The following PDE1A variants were observed in gnomAD, a reference collection of about 807,000 sequenced individuals.
PDE1A encodes dual specificity calcium/calmodulin-dependent 3',5'-cyclic nucleotide phosphodiesterase 1A.
Under a neutral mutation model 61.7 loss-of-function variants are expected in PDE1A, and 35 were observed. That is an observed-to-expected ratio of 0.57 (90% confidence interval 0.43 to 0.75). PDE1A has a LOEUF of 0.75. PDE1A is among the 30% of genes least tolerant of loss of function. PDE1A has a pLI of 0.00. For synonymous variants in PDE1A, 232 were observed against 213.2 expected (o/e 1.09, Z -0.77); for missense variants, 597 against 630.6 (o/e 0.95, Z 0.57).
At chr2:182,498,400 G>A (rs1218830663) in intron 2 of PDE1A, among the ~76,000 whole-genome samples, 1 of 151,936 alleles carries the variant, frequency 6.6e-6, no homozygotes, top group Non-Finnish European at 1.5e-5. Flanking sequence ...GTATTAGAAA[G>A]GCTGAGAGAT....
At chr2:182,442,143 A>T (rs1684836944) in intron 2 of PDE1A, among the ~76,000 whole-genome samples, 1 of 152,120 alleles carries the variant, frequency 6.6e-6, no homozygotes, top group African/African-American at 2.4e-5. Flanking sequence ...CACTATTAGG[A>T]CAAACTAGGA....
At chr2:182,436,946 T>C (rs929095094) in intron 2 of PDE1A, among the ~76,000 whole-genome samples, 4 of 151,924 alleles carry the variant, frequency 2.6e-5, no homozygotes, top group Admixed American at 1.3e-4. Context: ...TGGCCAACCA[T>C]ATTTTTAAAA....
At chr2:182,533,777 A>G in the PDE1A span, among the ~76,000 whole-genome samples, 7 of 152,236 alleles carry the variant, frequency 4.6e-5, no homozygotes, top group African/African-American at 1.4e-4. Context: ...TATAAAGTTT[A>G]ATGTTGATAG....
At chr2:182,556,343 C>A in the PDE1A span, among the ~76,000 whole-genome samples, 4 of 152,100 alleles carry the variant, frequency 2.6e-5, no homozygotes, top group Admixed American at 1.3e-4. Flanking sequence ...GAAGAGAGAG[C>A]CACAGGCAGC....
At chr2:182,421,974 A>G (rs1214837413) in intron 1 of PDE1A, among the ~76,000 whole-genome samples, 1 of 152,118 alleles carries the variant, frequency 6.6e-6, no homozygotes, top group Non-Finnish European at 1.5e-5. Context: ...CCAAATACAC[A>G]CTCAGAACTC....
chr2:182,538,547 C>T, the PDE1A span, among the ~76,000 whole-genome samples: 7 of 151,916 alleles, frequency 4.6e-5, no homozygotes, highest in Middle Eastern at 6.8e-3. Flanking sequence ...TCTTATTAGC[C>T]TCATGCCATA....
chr2:182,201,324 G>T, intron 10 of PDE1A, 115 bp downstream of exon 10: 1 of 1,284,488 alleles, frequency 7.8e-7, no homozygotes. Context: ...AGAATGTGTA[G>T]GTGGCCAGTT....
intron 2 of PDE1A, among the ~76,000 whole-genome samples, chr2:182,471,948 A>C (rs746759667): frequency 1.3e-5 from 2 of 151,928 alleles, no homozygotes; most frequent in Admixed American, 6.6e-5. Context: ...TCCAACAAGC[A>C]TATGAAAAAA....
At chr2:182,273,887 A>C (rs1172822159) in intron 1 of PDE1A, among the ~76,000 whole-genome samples, 11 of 152,100 alleles carry the variant, frequency 7.2e-5, no homozygotes, top group Non-Finnish European at 1.6e-4. Context: ...GGAATGGTTA[A>C]AAGTGGTATA....
intron 2 of PDE1A, among the ~76,000 whole-genome samples, chr2:182,259,958 A>G (rs1348441156): frequency 1.3e-5 from 2 of 152,196 alleles, no homozygotes; most frequent in Non-Finnish European, 2.9e-5. Flanking sequence ...TGAACACAAG[A>G]CTCATAAAGG....
At chr2:182,184,375 T>C (rs1234209721) in intron 13 of PDE1A, among the ~76,000 whole-genome samples, 3 of 152,010 alleles carry the variant, frequency 2.0e-5, no homozygotes, top group East Asian at 3.9e-4. Context: ...AACAATACAA[T>C]TTATTTTTGG....
chr2:182,351,245 T>C (rs938740900), intron 1 of PDE1A, among the ~76,000 whole-genome samples: 2 of 152,200 alleles, frequency 1.3e-5, no homozygotes, highest in Non-Finnish European at 2.9e-5. Flanking sequence ...GCTTAACCTG[T>C]GTTTCCCAAA....
At chr2:182,588,113 T>C in the PDE1A span, among the ~76,000 whole-genome samples, 2 of 152,220 alleles carry the variant, frequency 1.3e-5, no homozygotes, top group African/African-American at 4.8e-5. Context: ...TAAGTAACCT[T>C]ACTCAAACCA....
In PDE1A at chr2:182,480,709, T is replaced by C. The variant is rs529896543; in HGVS notation, c.101+41567A>G. On this transcript the variant is annotated intron_variant, in intron 2 of 14. Transcript: ENST00000410103. The stretch of plus-strand genomic sequence containing the variant: ...TACTATGACACTTTATATAACGGAC[T>C]TGAGCATCTTCTGAGGTTCTGAAAC... Among the ~76,000 whole-genome samples, 139 of 152,056 alleles carry C rather than the reference T, an allele frequency of 9.1e-4. 1 individual carries two copies. Among genetic ancestry groups the C allele is most frequent in the African/African-American group, 3.3e-3 (138 of 41,520 alleles).
intron 10 of PDE1A, among the ~76,000 whole-genome samples, chr2:182,199,773 A>G (rs1229857237): frequency 6.6e-6 from 1 of 152,188 alleles, no homozygotes; most frequent in Non-Finnish European, 1.5e-5. Flanking sequence ...TTTAGGACCA[A>G]AATATTTGAA....
chr2:182,586,792 T>C, the PDE1A span, among the ~76,000 whole-genome samples: 3 of 152,220 alleles, frequency 2.0e-5, no homozygotes, highest in Admixed American at 2.0e-4. Flanking sequence ...ATTCATGCAT[T>C]CATCCATTCG....
chr2:182,715,060 T>A, the PDE1A span, among the ~76,000 whole-genome samples: 1 of 152,166 alleles, frequency 6.6e-6, no homozygotes, highest in Non-Finnish European at 1.5e-5. Flanking sequence ...TGTGATCTGG[T>A]CCCTGCTTCA....
chr2:182,238,266 C>CAAAAAAAAAAAAAAAAAAAAAA (rs3063250), intron 3 of PDE1A, among the ~76,000 whole-genome samples: 4 of 98,098 alleles, frequency 4.1e-5, no homozygotes, highest in East Asian at 3.2e-4. Context: ...CAGACTACGT[C>CAAAAAAAAAAAAAAAAAAAAAA]AAAAAAAAAA....
intron 8 of PDE1A, among the ~76,000 whole-genome samples, chr2:182,202,050 C>T (rs1259270136): frequency 3.3e-5 from 5 of 152,224 alleles, no homozygotes; most frequent in Non-Finnish European, 7.3e-5. Context: ...TCCCTTCTCA[C>T]TCCCACAACT....
Sources: allele counts gnomAD v4.1 joint callset (sites outside exome capture counted in the v4.1 genomes callset), GRCh38; gene constraint gnomAD v4.1.1; transcripts MANE v1.5; gene names NCBI Gene and HGNC (gene_info 2026-07-23, HGNC 2026-07-21).